AEBP2: variants seen among roughly 807,000 people sequenced by gnomAD.
AEBP2 encodes AE binding protein 2, also known as zinc finger protein AEBP2.
In AEBP2, 10 loss-of-function variants were observed where a neutral mutation model predicts 50.8. The observed-to-expected ratio is 0.20, with a 90% CI of 0.12 to 0.33. AEBP2 has a LOEUF of 0.33. AEBP2 is among the 10% of genes least tolerant of loss of function. The pLI, the probability that AEBP2 is intolerant of heterozygous loss-of-function variation, is 1.00. For synonymous variants in AEBP2, 296 were observed against 261.3 expected, an observed-to-expected ratio of 1.13 and a Z score of -1.28; for missense variants, 570 against 688.0, an observed-to-expected ratio of 0.83 and a Z score of 1.92.
At chr12:19,480,833 C>G (rs1195486440) in intron 3 of AEBP2, among the ~76,000 whole-genome samples, 1 of 152,174 alleles carries the variant, frequency 6.6e-6, no homozygotes, top group Non-Finnish European at 1.5e-5. Context: ...GTGTCTACCT[C>G]TTTAGCAAGG....
intron 1 of AEBP2, among the ~76,000 whole-genome samples, chr12:19,430,337 A>C (rs1468871278): frequency 1.3e-5 from 2 of 152,000 alleles, no homozygotes; most frequent in Non-Finnish European, 1.5e-5. Context: ...TGGTCTATAT[A>C]TCTGTTTTGG....
chr12:19,495,810 C>G (rs988562083), intron 4 of AEBP2, among the ~76,000 whole-genome samples: 2 of 152,104 alleles, frequency 1.3e-5, no homozygotes, highest in African/African-American at 4.8e-5. Context: ...TCCCAAAGTG[C>G]TAGGATTACA....
chr12:19,444,638 G>T (rs1948026468), intron 1 of AEBP2, among the ~76,000 whole-genome samples: 1 of 152,170 alleles, frequency 6.6e-6, no homozygotes. Context: ...TACAAAACAG[G>T]TATTACTCTG....
chr12:19,406,606 A>G (rs2095736392), intron 1 of AEBP2, among the ~76,000 whole-genome samples: 1 of 148,074 alleles, frequency 6.8e-6, no homozygotes, highest in Non-Finnish European at 1.5e-5. Context: ...GCTTGAACCC[A>G]GGAGGCGGAG....
At chr12:19,442,569 A>G (rs528122169) in intron 1 of AEBP2, among the ~76,000 whole-genome samples, 2 of 152,214 alleles carry the variant, frequency 1.3e-5, no homozygotes, top group South Asian at 4.1e-4. Flanking sequence ...TAATTTTTAC[A>G]TCTTATTTCA....
At chr12:19,505,083 A>C (rs1289448123) in intron 5 of AEBP2, among the ~76,000 whole-genome samples, 1 of 152,168 alleles carries the variant, frequency 6.6e-6, no homozygotes, top group African/African-American at 2.4e-5. Context: ...TGGCGGGTAA[A>C]ATACAGGATT....
intron 1 of AEBP2, among the ~76,000 whole-genome samples, chr12:19,423,531 A>C (rs2095746947): frequency 6.6e-6 from 1 of 152,196 alleles, no homozygotes; most frequent in African/African-American, 2.4e-5. Flanking sequence ...CTGGGCTAAG[A>C]CTAACTTGCA....
chr12:19,466,992 A>G lies in AEBP2; in HGVS notation c.879+4275A>G, dbSNP rs572868638. 36 of 178,220 alleles carry G rather than the reference A, an allele frequency of 2.0e-4. No individual in the cohort carries two copies. In the South Asian group the frequency reaches 3.2e-3, roughly 16 times the overall value. The allele number at this position is 178,220 out of a possible 1,614,324, so 11.0% of individuals were successfully genotyped here. ...CCCCTTTTAAGTTGTTTATGTTGCT[A>G]TGTTCATGTGGACTTCTTTGGAGGC... On this transcript the variant is annotated intron_variant, in intron 2 of 7. Transcript: ENST00000266508.
At chr12:19,404,571 A>G (rs1364553857) in intron 1 of AEBP2, among the ~76,000 whole-genome samples, 2 of 152,160 alleles carry the variant, frequency 1.3e-5, no homozygotes, top group Admixed American at 6.6e-5. Flanking sequence ...CTGTCTTTCC[A>G]AGTGGGAGAG....
At chr12:19,458,186 T>C (rs1948306533) in intron 1 of AEBP2, among the ~76,000 whole-genome samples, 1 of 152,228 alleles carries the variant, frequency 6.6e-6, no homozygotes, top group Non-Finnish European at 1.5e-5. Context: ...AGAAGTTACC[T>C]GTCATTTGTT....
intron 2 of AEBP2, among the ~76,000 whole-genome samples, chr12:19,471,324 G>T (rs1464577125): frequency 2.0e-5 from 3 of 152,170 alleles, no homozygotes; most frequent in African/African-American, 4.8e-5. Context: ...ATGGCATGTT[G>T]CCCAGGCTGG....
chr12:19,516,016 T>C (rs1949312182), intron 7 of AEBP2, among the ~76,000 whole-genome samples: 1 of 152,144 alleles, frequency 6.6e-6, no homozygotes, highest in African/African-American at 2.4e-5. Flanking sequence ...GCCTGGAAGT[T>C]CGAGGCTGCA....
intron 1 of AEBP2, among the ~76,000 whole-genome samples, chr12:19,458,337 C>T (rs1315613852): frequency 6.6e-6 from 1 of 152,120 alleles, no homozygotes; most frequent in Non-Finnish European, 1.5e-5. Flanking sequence ...TTGGAGGAGC[C>T]TAAGAGGGGT....
At chr12:19,458,189 C>T (rs752917347) in intron 1 of AEBP2, among the ~76,000 whole-genome samples, 23 of 152,200 alleles carry the variant, frequency 1.5e-4, no homozygotes, top group Admixed American at 3.3e-4. Flanking sequence ...AGTTACCTGT[C>T]ATTTGTTTTC....
chr12:19,473,167 A>G, intron 2 of AEBP2, 81 bp from the exon 3 acceptor site: 1 of 527,606 alleles, frequency 1.9e-6, no homozygotes, highest in Non-Finnish European at 2.9e-6. Context: ...GAGTTGTAAC[A>G]TGTTAATTTG....
At chr12:19,434,238 C>A (rs531924999) in intron 1 of AEBP2, among the ~76,000 whole-genome samples, 2 of 148,718 alleles carry the variant, frequency 1.3e-5, no homozygotes, top group Non-Finnish European at 3.0e-5. Flanking sequence ...CAATGGTGTG[C>A]TCTTCACTCA....
At chr12:19,508,943 A>G in intron 5 of AEBP2, 1 of 441,450 alleles carries the variant, frequency 2.3e-6, no homozygotes, top group Admixed American at 2.4e-5. Flanking sequence ...GCTTTTCTAC[A>G]ATACAGCCTC....
Position 19,522,175 on chromosome 12 carries a change from A to G in AEBP2, c.*4058A>G, listed in dbSNP as rs1402816899. The G allele has an allele frequency of 6.6e-6, 1 of 152,128 alleles. No homozygotes were observed. Among genetic ancestry groups the G allele is most frequent in the Non-Finnish European group, 1.5e-5 (1 of 68,002 alleles). 9.4% of individuals were successfully genotyped at this position (152,128 alleles called of 1,614,324 possible). On this transcript the variant is annotated 3_prime_UTR_variant, in exon 8 of 8. Coordinates refer to ENST00000266508, the MANE Select transcript of AEBP2 (RefSeq NM_153207.5). Reference sequence around the variant, plus strand: ...TTCATAAAAGGGAAGAAATTGTTAGAAAATTTCCTGTGTACGTAGTTTGTT... The same window carrying G: ...TTCATAAAAGGGAAGAAATTGTTAGGAAATTTCCTGTGTACGTAGTTTGTT...
In AEBP2 at chr12:19,439,915, A is replaced by C. The variant is rs748863562; in HGVS notation, c.216A>C (p.Gly72=). ...GTGGGGGCGGCGGAGGCGGCGGCGG[A>C]GGAGTGGGGGGCGGCGAGGCAGAGA... ...GSGGGGGGGG[G]GVGGGEAETM... The change falls in exon 1 of 8, where the codon GGA becomes GGC. Residue 72 remains glycine (G), a synonymous_variant. Transcript: ENST00000266508. 7 of 1,467,912 alleles carry C rather than the reference A, an allele frequency of 4.8e-6. No individual in the cohort carries two copies. The highest frequency in any genetic ancestry group is 2.5e-5 in the South Asian group (2 of 79,224). 90.9% of individuals were successfully genotyped at this position (1,467,912 alleles called of 1,614,324 possible).
Sources: gnomAD v4.1 joint callset for allele counts (sites outside exome capture counted in the v4.1 genomes callset) on GRCh38, gnomAD v4.1.1 for gene constraint, MANE v1.5 for transcripts, NCBI Gene and HGNC (gene_info 2026-07-23, HGNC 2026-07-21) for gene names.